Variants in AGTPBP1 observed in about 807,000 individuals in gnomAD.
The protein encoded by AGTPBP1 is cytosolic carboxypeptidase 1.
A neutral mutation model predicts 143.9 loss-of-function variants in AGTPBP1; 70 were observed. The observed-to-expected ratio is 0.49, with a 90% CI of 0.40 to 0.59. The LOEUF (loss-of-function observed/expected upper bound fraction) is 0.59, where lower values mean the gene tolerates loss of function less well. AGTPBP1 is among the 20% of genes least tolerant of loss of function. The pLI is 0.00. For synonymous variants in AGTPBP1, 463 were observed against 500.2 expected (o/e 0.93, Z 0.99); for missense variants, 1,229 against 1,464.5 (o/e 0.84, Z 2.62).
intron 25 of AGTPBP1, among the ~76,000 whole-genome samples, chr9:85,549,406 C>T (rs1428974037): frequency 6.6e-6 from 1 of 152,188 alleles, no homozygotes; most frequent in Non-Finnish European, 1.5e-5. Context: ...GATCTATGGA[C>T]AGCGGAATTC....
chr9:85,572,587 T>C (rs1827574973), intron 25 of AGTPBP1, among the ~76,000 whole-genome samples: 1 of 152,234 alleles, frequency 6.6e-6, no homozygotes, highest in African/African-American at 2.4e-5. Flanking sequence ...AAAATATATA[T>C]ACTCCTTTTA....
chr9:85,610,370 T>A (rs1477102004), intron 17 of AGTPBP1, among the ~76,000 whole-genome samples: 4 of 152,182 alleles, frequency 2.6e-5, no homozygotes, highest in African/African-American at 9.7e-5. Context: ...CATTCTCAAA[T>A]TCAGTATTTC....
chr9:85,623,044 T>A (rs141325042), intron 14 of AGTPBP1, among the ~76,000 whole-genome samples: 2 of 152,304 alleles, frequency 1.3e-5, no homozygotes, highest in African/African-American at 4.8e-5. Flanking sequence ...TGATGTTCCA[T>A]AACGCAAAAC....
the AGTPBP1 span, among the ~76,000 whole-genome samples, chr9:85,784,415 A>AT: frequency 3.3e-5 from 5 of 151,206 alleles, no homozygotes; most frequent in Non-Finnish European, 3.0e-5. Context: ...GGGGAGCAGG[A>AT]TTTTTTTTTA....
At chr9:85,556,411 AAAG>A (rs1387184071) in intron 25 of AGTPBP1, among the ~76,000 whole-genome samples, 5 of 152,196 alleles carry the variant, frequency 3.3e-5, no homozygotes, top group Non-Finnish European at 5.9e-5. Flanking sequence ...AATTAATCTC[AAAG>A]AAGGTGAGAA....
At chr9:85,673,298 G>C (rs1014591157) in intron 6 of AGTPBP1, among the ~76,000 whole-genome samples, 1 of 151,856 alleles carries the variant, frequency 6.6e-6, no homozygotes, top group African/African-American at 2.4e-5. Flanking sequence ...AAAAAAAACT[G>C]AACTGCTCCA....
At chr9:85,696,458 G>A (rs745771938) in intron 2 of AGTPBP1, among the ~76,000 whole-genome samples, 4 of 151,854 alleles carry the variant, frequency 2.6e-5, no homozygotes, top group African/African-American at 7.3e-5. Context: ...GCTTGAGGTC[G>A]AGAGCTCGAG....
intron 2 of AGTPBP1, among the ~76,000 whole-genome samples, chr9:85,697,415 T>C (rs948234450): frequency 6.6e-6 from 1 of 151,100 alleles, no homozygotes; most frequent in Non-Finnish European, 1.5e-5. Flanking sequence ...ATTTGTAATA[T>C]GATAAATTAT....
At chr9:85,674,748 T>C (rs1469499413) in intron 6 of AGTPBP1, among the ~76,000 whole-genome samples, 3 of 152,144 alleles carry the variant, frequency 2.0e-5, no homozygotes, top group Admixed American at 6.5e-5. Flanking sequence ...AACTACTAAT[T>C]ACTTATACAA....
chr9:85,741,759 GC>G lies in AGTPBP1; in HGVS notation c.-34+15del. On this transcript the variant is annotated intron_variant, in intron 1 of 25. Coordinates refer to ENST00000357081, the MANE Select transcript of AGTPBP1 (RefSeq NM_001330701.2). ...GACGGCCGGCCGGGACATGAGGACTGCAGCAGGGCGCTCACCGGCTCAGGAT... is the reference window on the plus strand; with the variant it reads ...GACGGCCGGCCGGGACATGAGGACTGAGCAGGGCGCTCACCGGCTCAGGAT... 7.6e-7 allele frequency: 1 copy of G among 1,321,602 alleles called. No individual in the cohort carries two copies. The highest frequency in any genetic ancestry group is 9.6e-7 in the Non-Finnish European group (1 of 1,038,982). The allele number at this position is 1,321,602 out of a possible 1,614,324, so 81.9% of individuals were successfully genotyped here.
chr9:85,799,484 C>T, the AGTPBP1 span, among the ~76,000 whole-genome samples: 1 of 152,116 alleles, frequency 6.6e-6, no homozygotes, highest in African/African-American at 2.4e-5. Flanking sequence ...TCAGCCTGTG[C>T]AACACAGAGA....
At chr9:85,790,540 A>T in the AGTPBP1 span, among the ~76,000 whole-genome samples, 1 of 152,188 alleles carries the variant, frequency 6.6e-6, no homozygotes, top group Admixed American at 6.6e-5. Context: ...AGGTAATTAG[A>T]ACAAAGGAAA....
At chr9:85,667,646 C>T (rs553643175) in intron 8 of AGTPBP1, among the ~76,000 whole-genome samples, 3 of 151,946 alleles carry the variant, frequency 2.0e-5, no homozygotes, top group East Asian at 3.9e-4. Context: ...AAACCAGAAC[C>T]CCAAATCTAA....
chr9:85,778,429 G>A, the AGTPBP1 span, among the ~76,000 whole-genome samples: 1 of 149,828 alleles, frequency 6.7e-6, no homozygotes, highest in Non-Finnish European at 1.5e-5. Context: ...GTCTGCGAGA[G>A]GCTCCAAACA....
the AGTPBP1 span, among the ~76,000 whole-genome samples, chr9:85,787,301 C>T: frequency 6.6e-6 from 1 of 152,100 alleles, no homozygotes; most frequent in Admixed American, 6.6e-5. Context: ...GAAATGAATG[C>T]TGTTCCATGG....
At chr9:85,675,075 T>C (rs1449099473) in intron 6 of AGTPBP1, among the ~76,000 whole-genome samples, 1 of 152,046 alleles carries the variant, frequency 6.6e-6, no homozygotes, top group Non-Finnish European at 1.5e-5. Flanking sequence ...TTTTTGTATT[T>C]TTAGTAGAGA....
the AGTPBP1 span, among the ~76,000 whole-genome samples, chr9:85,781,558 A>G: frequency 6.6e-5 from 10 of 152,232 alleles, no homozygotes; most frequent in African/African-American, 2.4e-4. Context: ...TTATAGATGC[A>G]AAGGAAATGA....
At chr9:85,748,460 T>C in the AGTPBP1 span, among the ~76,000 whole-genome samples, 1 of 152,200 alleles carries the variant, frequency 6.6e-6, no homozygotes, top group African/African-American at 2.4e-5. Context: ...CCAAATTTAA[T>C]GCTTAATCCC....
intron 13 of AGTPBP1, among the ~76,000 whole-genome samples, chr9:85,633,794 T>C (rs1436867526): frequency 6.6e-6 from 1 of 152,002 alleles, no homozygotes; most frequent in African/African-American, 2.4e-5. Flanking sequence ...AGCTGACATT[T>C]GTATAGGGGT....
Sources: allele counts gnomAD v4.1 joint callset (sites outside exome capture counted in the v4.1 genomes callset), GRCh38; gene constraint gnomAD v4.1.1; transcripts MANE v1.5; gene names NCBI Gene and HGNC (gene_info 2026-07-23, HGNC 2026-07-21).